Variants in TRIM51G observed in about 807,000 individuals in gnomAD.
The protein encoded by TRIM51G is tripartite motif-containing protein 51G.
the TRIM51G span, chr11:48,977,073 G>A: frequency 1.0e-6 from 1 of 953,174 alleles, no homozygotes; most frequent in South Asian, 1.3e-5. Flanking sequence ...TTGCCAATGG[G>A]CTGACACTCA....
chr11:48,981,067 C>T, the TRIM51G span: 58 of 793,518 alleles, frequency 7.3e-5, no homozygotes, highest in African/African-American at 5.2e-4. Flanking sequence ...CTCTGATATA[C>T]GAAGGACCCA....
At chr11:48,977,540 C>T in the TRIM51G span, among the ~76,000 whole-genome samples, 2 of 152,136 alleles carry the variant, frequency 1.3e-5, no homozygotes, top group Non-Finnish European at 2.9e-5. Context: ...AAGACTGCTG[C>T]ATCTGTTGCT....
the TRIM51G span, chr11:48,975,598 A>T: frequency 3.6e-6 from 5 of 1,382,860 alleles, no homozygotes; most frequent in Admixed American, 8.4e-5. Flanking sequence ...AACAAAGCTC[A>T]CGGTCCTACC....
the TRIM51G span, among the ~76,000 whole-genome samples, chr11:48,980,070 C>T: frequency 7.2e-5 from 11 of 151,992 alleles, no homozygotes; most frequent in African/African-American, 1.7e-4. Context: ...ACATCATATA[C>T]ATCACATATC....
chr11:48,978,185 G>C, the TRIM51G span: 1,563 of 532,182 alleles, frequency 2.9e-3, 16 homozygotes, highest in African/African-American at 0.026. Flanking sequence ...GAAAGGCTTA[G>C]TGCTTTCCAC....
At chr11:48,980,810 C>T in the TRIM51G span, 11 of 393,340 alleles carry the variant, frequency 2.8e-5, no homozygotes, top group East Asian at 7.7e-5. Flanking sequence ...TGTTGATTTC[C>T]AGAAACATTA....
chr11:48,982,262 T>C, the TRIM51G span, among the ~76,000 whole-genome samples: 1 of 152,076 alleles, frequency 6.6e-6, no homozygotes, highest in African/African-American at 2.4e-5. Flanking sequence ...AAATAAATAA[T>C]GAAAAATATT....
the TRIM51G span, chr11:48,975,520 A>C: frequency 7.2e-7 from 1 of 1,395,154 alleles, no homozygotes; most frequent in Non-Finnish European, 1.0e-6. Context: ...ACAGCAAATG[A>C]TAGGCCAGAG....
the TRIM51G span, chr11:48,978,823 C>A: frequency 6.0e-6 from 5 of 836,934 alleles, no homozygotes; most frequent in Admixed American, 3.5e-5. Context: ...GGTAAAACAC[C>A]CATCCACTTG....
chr11:48,982,947 G>GTGTGTGTGTATATATA, the TRIM51G span, among the ~76,000 whole-genome samples: 40 of 86,132 alleles, frequency 4.6e-4, no homozygotes, highest in Admixed American at 5.2e-4. Context: ...AGTATTTTTG[G>GTGTGTGTGTATATATA]TATATATACA....
chr11:48,976,419 G>A, the TRIM51G span, among the ~76,000 whole-genome samples: 1 of 152,184 alleles, frequency 6.6e-6, no homozygotes, highest in Middle Eastern at 3.4e-3. Flanking sequence ...CTAGATAACT[G>A]GATAAAAGTC....
chr11:48,976,824 T>G, the TRIM51G span, among the ~76,000 whole-genome samples: 1 of 152,172 alleles, frequency 6.6e-6, no homozygotes, highest in Non-Finnish European at 1.5e-5. Flanking sequence ...ATTCAATTTT[T>G]TATTTCTTAT....
the TRIM51G span, among the ~76,000 whole-genome samples, chr11:48,979,538 C>G: frequency 0.8 from 121,078 of 151,978 alleles, 48,487 homozygotes; most frequent in Non-Finnish European, 0.81. Flanking sequence ...CCCAGCATAA[C>G]ATATTCTAAA....
the TRIM51G span, among the ~76,000 whole-genome samples, chr11:48,980,062 A>G: frequency 5.9e-5 from 9 of 151,782 alleles, no homozygotes; most frequent in African/African-American, 2.2e-4. Flanking sequence ...ACTCTAACAC[A>G]TCATATACAT....
chr11:48,979,712 T>C, the TRIM51G span, among the ~76,000 whole-genome samples: 23 of 151,780 alleles, frequency 1.5e-4, no homozygotes, highest in South Asian at 8.3e-4. Context: ...ATATATGTAC[T>C]CATATATATT....
At chr11:48,976,086 C>T in the TRIM51G span, 1 of 372,390 alleles carries the variant, frequency 2.7e-6, no homozygotes, top group Non-Finnish European at 5.1e-6. Flanking sequence ...CAAGAATTTA[C>T]TTTGCCAAGA....
At chr11:48,981,607 C>T in the TRIM51G span, 1 of 1,601,116 alleles carries the variant, frequency 6.2e-7, no homozygotes, top group Middle Eastern at 2.1e-4. Flanking sequence ...GCTGTGCCCA[C>T]AGTCTATGGT....
the TRIM51G span, chr11:48,975,623 A>T: frequency 1.4e-6 from 2 of 1,403,084 alleles, no homozygotes; most frequent in East Asian, 2.3e-5. Flanking sequence ...CAATCCAGGA[A>T]TAATCCTACT....
At chr11:48,975,883 G>A in the TRIM51G span, 1 of 840,850 alleles carries the variant, frequency 1.2e-6, no homozygotes, top group East Asian at 2.4e-5. Context: ...AAAACATTCA[G>A]ATTTATCAGT....
Sources: allele counts gnomAD v4.1 joint callset (sites outside exome capture counted in the v4.1 genomes callset), GRCh38; gene constraint gnomAD v4.1.1; transcripts MANE v1.5; gene names NCBI Gene and HGNC (gene_info 2026-07-23, HGNC 2026-07-21).